The following RHOBTB3 variants were observed in gnomAD, a reference collection of about 807,000 sequenced individuals.
RHOBTB3 encodes the protein Rho related BTB domain containing 3.
RHOBTB3 carries 47 observed loss-of-function variants against 67.2 expected under a neutral mutation model. The observed-to-expected ratio is 0.70, with a 90% CI of 0.55 to 0.89. The LOEUF is 0.89. Among genes scored for constraint, RHOBTB3 ranks in the 40% least tolerant of loss-of-function variants. The pLI, the probability that RHOBTB3 is intolerant of heterozygous loss-of-function variation, is 0.00. For synonymous variants in RHOBTB3, 273 were observed against 274.2 expected (o/e 1.00, Z 0.04); for missense variants, 631 against 750.0 (o/e 0.84, Z 1.85).
chr5:95,766,863 G>A lies in RHOBTB3; in HGVS notation c.1162-1183G>A, dbSNP rs556502629. On this transcript the variant is annotated intron_variant, in intron 7 of 11. Transcript: ENST00000379982. Reference sequence around the variant, plus strand: ...CAAAAACCCAGGAAACTCTTTATAGGTTCTAGTGGGCTCTGCTGTGAGTAG... The same window carrying A: ...CAAAAACCCAGGAAACTCTTTATAGATTCTAGTGGGCTCTGCTGTGAGTAG... Among the ~76,000 whole-genome samples, 42 of 152,292 alleles carry A rather than the reference G, an allele frequency of 2.8e-4. No homozygotes were observed. In the South Asian group the frequency reaches 8.7e-3, roughly 32 times the overall value.
At chr5:95,738,807 C>A (rs572355129) in intron 3 of RHOBTB3, among the ~76,000 whole-genome samples, 2 of 152,298 alleles carry the variant, frequency 1.3e-5, no homozygotes, top group Admixed American at 1.3e-4. Context: ...AAATTTAATA[C>A]ACTTTAATAA....
chr5:95,739,422 G>A (rs1196461519), intron 3 of RHOBTB3, among the ~76,000 whole-genome samples: 1 of 151,958 alleles, frequency 6.6e-6, no homozygotes, highest in African/African-American at 2.4e-5. Flanking sequence ...AATTTGGGAG[G>A]TCCTTCATAA....
chr5:95,792,957 C>A, intron 11 of RHOBTB3, 102 bp from the exon 12 acceptor site: 1 of 741,086 alleles, frequency 1.3e-6, no homozygotes, highest in Non-Finnish European at 2.2e-6. Context: ...AGATGTATCA[C>A]AGAGCTGGAT....
At chr5:95,792,841 G>A (rs1746452996) in intron 11 of RHOBTB3, among the ~76,000 whole-genome samples, 1 of 151,340 alleles carries the variant, frequency 6.6e-6, no homozygotes, top group African/African-American at 2.4e-5. Flanking sequence ...ACTCGAAGTA[G>A]TGGACAAGAT....
rs528286924 is a variant in RHOBTB3, at chr5:95,732,006, C to T, written c.150C>T (p.Val50=). 1 of 1,614,160 alleles carries T rather than the reference C, an allele frequency of 6.2e-7. No homozygotes were observed. Among genetic ancestry groups the T allele is most frequent in the Non-Finnish European group, 8.5e-7 (1 of 1,180,042 alleles). ...TGTTGCTGAACGCGGCCAGCACGGTCGCGCGTCCGGTGTTCACCGAGTATC... is the reference window on the plus strand; with the variant it reads ...TGTTGCTGAACGCGGCCAGCACGGTTGCGCGTCCGGTGTTCACCGAGTATC... The part of the protein sequence containing the change: ...SSLLLNAAST[V]ARPVFTEYQA... Residue 50 remains valine (V), a synonymous_variant, in exon 2 of 12, where the codon GTC becomes GTT. Coordinates refer to ENST00000379982, the MANE Select transcript of RHOBTB3 (RefSeq NM_014899.4).
At chr5:95,752,537 TG>T (rs1296348378) in intron 5 of RHOBTB3, among the ~76,000 whole-genome samples, 187 bp downstream of exon 5, 1 of 152,236 alleles carries the variant, frequency 6.6e-6, no homozygotes, top group Admixed American at 6.5e-5. Context: ...AAAAGCAGAT[TG>T]GTACTTGAAT....
At position 95,754,834 on chromosome 5, in the gene RHOBTB3, G is replaced by A. The variant is rs1290835585; in HGVS notation, c.683-562G>A. On this transcript the variant is annotated intron_variant, in intron 5 of 11. Coordinates refer to ENST00000379982, the MANE Select transcript of RHOBTB3 (RefSeq NM_014899.4). ...GGGGTCACAATGTTTTCAAACGATC[G>A]AGTTCAAGACTCTGAGCCTTGACTC... 4.6e-5 allele frequency among the ~76,000 whole-genome samples: 7 copies of A among 152,284 alleles called. No individual in the cohort carries two copies. The East Asian group carries it at 9.6e-4, about 21-fold the overall frequency.
intron 10 of RHOBTB3, 118 bp from the exon 11 acceptor site, chr5:95,788,644 A>C: frequency 1.5e-6 from 1 of 653,412 alleles, no homozygotes; most frequent in Non-Finnish European, 2.6e-6. Flanking sequence ...TGCATCAGGT[A>C]AAGGCACATT....
chr5:95,755,696 G>A lies in RHOBTB3; in HGVS notation c.983G>A (p.Arg328Gln), dbSNP rs777319373. ...GAATCTTCAGGCAACCCACCATTACGAGTCATTGTTAAAGACGCCCTCTTC... is the reference window on the plus strand; with the variant it reads ...GAATCTTCAGGCAACCCACCATTACAAGTCATTGTTAAAGACGCCCTCTTC... ...SHESSGNPPL[R>Q]VIVKDALFCS... Residue 328 changes from arginine (R) to glutamine (Q), a missense_variant, in exon 6 of 12, where the codon CGA (arginine) becomes CAA (glutamine). By Grantham distance (43) the Arg-to-Gln change is conservative. Transcript: ENST00000379982. The A allele has an allele frequency of 2.0e-5, 32 of 1,613,894 alleles. No homozygotes were observed. Among genetic ancestry groups the A allele is most frequent in the Non-Finnish European group, 2.5e-5 (30 of 1,179,988 alleles).
At chr5:95,779,276 AAAG>A (rs1173019504) in intron 8 of RHOBTB3, among the ~76,000 whole-genome samples, 3 of 152,178 alleles carry the variant, frequency 2.0e-5, no homozygotes, top group Non-Finnish European at 4.4e-5. Flanking sequence ...GTCTTCTACG[AAAG>A]TAAAAACTGC....
intron 4 of RHOBTB3, among the ~76,000 whole-genome samples, chr5:95,750,139 A>G (rs1745047359): frequency 6.6e-6 from 1 of 152,216 alleles, no homozygotes; most frequent in African/African-American, 2.4e-5. Flanking sequence ...GCATTGGCAA[A>G]CATATGGATG....
At chr5:95,785,593 C>CAAA (rs1370364820) in intron 10 of RHOBTB3, among the ~76,000 whole-genome samples, 1 of 112,834 alleles carries the variant, frequency 8.9e-6, no homozygotes, top group Non-Finnish European at 1.9e-5. Context: ...GACTCCGTCT[C>CAAA]AAAAAAAAAA....
rs80345301 is a variant in RHOBTB3 at position 95,788,934 on chromosome 5, G to C, written c.1720+76G>C. ...TAGATTTGAGACATAAGTTGTAGAA[G>C]TAGTACTTTTAGCAAAATAAGAATA... is the stretch of plus-strand genomic sequence containing the variant. On this transcript the variant is annotated intron_variant, in intron 11 of 11. Coordinates refer to ENST00000379982, the MANE Select transcript of RHOBTB3 (RefSeq NM_014899.4). 8 of 912,460 alleles carry C rather than the reference G, an allele frequency of 8.8e-6. No individual in the cohort carries two copies. The East Asian group carries it at 2.2e-4, about 25-fold the overall frequency. The allele number at this position is 912,460 out of a possible 1,614,324, so 56.5% of individuals were successfully genotyped here.
intron 1 of RHOBTB3, among the ~76,000 whole-genome samples, chr5:95,725,200 T>G (rs533572019): frequency 5.9e-5 from 9 of 152,316 alleles, no homozygotes; most frequent in African/African-American, 2.2e-4. Flanking sequence ...ATATTTTCAT[T>G]GGATGCTATT....
intron 6 of RHOBTB3, among the ~76,000 whole-genome samples, chr5:95,760,704 C>T (rs963550217): frequency 3.9e-5 from 6 of 152,142 alleles, no homozygotes; most frequent in African/African-American, 1.4e-4. Context: ...TGTCATCCTG[C>T]CCTTGTCTGC....
chr5:95,731,423 C>G lies in RHOBTB3; in HGVS notation c.-260C>G, dbSNP rs1214266823. On this transcript the variant is annotated 5_prime_UTR_variant, in exon 1 of 12. Coordinates refer to ENST00000379982, the MANE Select transcript of RHOBTB3 (RefSeq NM_014899.4). ...TCCACTTGGGGCTGTGCGGCGGTCC[C>G]GCGCCCGGCGATGTTCCCGGGCACT... 1 of 1,194,108 alleles carries G rather than the reference C, an allele frequency of 8.4e-7. No homozygotes were observed. The highest frequency in any genetic ancestry group is 4.0e-5 in the South Asian group (1 of 24,958). 74.0% of individuals were successfully genotyped at this position (1,194,108 alleles called of 1,614,324 possible). A position where few individuals can be genotyped will look rare whatever the true frequency, so the allele number is the denominator to read the frequency against.
intron 4 of RHOBTB3, among the ~76,000 whole-genome samples, chr5:95,749,161 C>T (rs757867322): frequency 6.6e-6 from 1 of 152,238 alleles, no homozygotes; most frequent in Non-Finnish European, 1.5e-5. Flanking sequence ...ATAGAAACTA[C>T]ATTTCCAAAC....
intron 10 of RHOBTB3, among the ~76,000 whole-genome samples, chr5:95,788,027 CAAT>C (rs533211681): frequency 6.6e-6 from 1 of 152,106 alleles, no homozygotes; most frequent in African/African-American, 2.4e-5. Context: ...TATTGTACCA[CAAT>C]AATAATAATA....
chr5:95,738,274 G>T (rs1755505638), intron 3 of RHOBTB3, among the ~76,000 whole-genome samples: 1 of 151,894 alleles, frequency 6.6e-6, no homozygotes, highest in Non-Finnish European at 1.5e-5. Context: ...TTTATTTCTG[G>T]TCATGATTCA....
Sources: gnomAD v4.1 joint callset for allele counts (sites outside exome capture counted in the v4.1 genomes callset) on GRCh38, gnomAD v4.1.1 for gene constraint, MANE v1.5 for transcripts, NCBI Gene and HGNC (gene_info 2026-07-23, HGNC 2026-07-21) for gene names.